FAM168A: variants seen among roughly 807,000 people sequenced by gnomAD.
FAM168A encodes protein FAM168A.
FAM168A carries 3 observed loss-of-function variants against 28.5 expected under a neutral mutation model. The observed-to-expected ratio is 0.11, with a 90% CI of 0.05 to 0.27. FAM168A has a LOEUF of 0.27. FAM168A is among the 10% of genes least tolerant of loss of function. FAM168A has a pLI of 1.00. For synonymous variants in FAM168A, 122 were observed against 124.2 expected, an observed-to-expected ratio of 0.98 and a Z score of 0.12; for missense variants, 222 against 311.5, an observed-to-expected ratio of 0.71 and a Z score of 2.16.
chr11:73,515,605 C>A (rs1006177355), intron 1 of FAM168A, among the ~76,000 whole-genome samples: 39 of 146,792 alleles, frequency 2.7e-4, no homozygotes, highest in African/African-American at 8.5e-4. Flanking sequence ...TTAACAACAA[C>A]AAAAAAATTT....
At chr11:73,473,882 C>T (rs1245848473) in intron 1 of FAM168A, among the ~76,000 whole-genome samples, 7 of 151,410 alleles carry the variant, frequency 4.6e-5, no homozygotes, top group South Asian at 2.1e-4. Context: ...GGCGCAATCT[C>T]GGCTCACTGC....
In FAM168A at chr11:73,548,779, T is replaced by C. The variant is rs1212569419; in HGVS notation, c.-19+49144A>G. Among the ~76,000 whole-genome samples, 6 of 152,224 alleles carry C rather than the reference T, an allele frequency of 3.9e-5. No homozygotes were observed. In the South Asian group the frequency reaches 1.2e-3, roughly 32 times the overall value. On this transcript the variant is annotated intron_variant, in intron 1 of 7. Coordinates refer to ENST00000356467, the MANE Select transcript of FAM168A (RefSeq NM_015159.3). ...CCTTAGCCTGCTGAGTAGCTGGGAC[T>C]ACAGGTGTGCGCCACCAAGGCCAGA...
intron 1 of FAM168A, among the ~76,000 whole-genome samples, chr11:73,568,361 T>C (rs1323640523): frequency 6.6e-6 from 1 of 152,224 alleles, no homozygotes; most frequent in Non-Finnish European, 1.5e-5. Context: ...GAATCAATTA[T>C]GACACTCTTA....
chr11:73,593,536 GA>G (rs1382643552), intron 1 of FAM168A, among the ~76,000 whole-genome samples: 2 of 152,092 alleles, frequency 1.3e-5, no homozygotes, highest in African/African-American at 4.8e-5. Flanking sequence ...GGCATTTAAA[GA>G]ACTGTTTAAA....
intron 3 of FAM168A, among the ~76,000 whole-genome samples, chr11:73,424,777 G>C (rs1468751709): frequency 6.6e-6 from 1 of 152,150 alleles, no homozygotes; most frequent in African/African-American, 2.4e-5. Flanking sequence ...GTTAGGTTGA[G>C]AGACGCCTTT....
chr11:73,484,548 C>CTATATATCTA (rs1555026158), intron 1 of FAM168A, among the ~76,000 whole-genome samples: 1 of 124,888 alleles, frequency 8.0e-6, no homozygotes, highest in Admixed American at 7.7e-5. Flanking sequence ...ATATATCTAT[C>CTATATATCTA]TATATCTATA....
chr11:73,581,755 A>G (rs919303345), intron 1 of FAM168A, among the ~76,000 whole-genome samples: 12 of 151,442 alleles, frequency 7.9e-5, no homozygotes, highest in African/African-American at 2.9e-4. Flanking sequence ...GTCTCCCTCT[A>G]TTGCCCAGGC....
At chr11:73,528,308 G>A (rs138736387) in intron 1 of FAM168A, among the ~76,000 whole-genome samples, 11 of 152,192 alleles carry the variant, frequency 7.2e-5, no homozygotes, top group East Asian at 3.9e-4. Context: ...AGATGTTTAC[G>A]GTTAAGGGAA....
chr11:73,571,360 C>CGAGTGCCTGCCGAG (rs1220548752), intron 1 of FAM168A, among the ~76,000 whole-genome samples: 1 of 151,544 alleles, frequency 6.6e-6, no homozygotes. Context: ...ATTCCCCTGC[C>CGAGTGCCTGCCGAG]TCAGCCTGCC....
In FAM168A at chr11:73,404,663, T is replaced by C. The variant is rs1866470989; in HGVS notation, c.*2100A>G. 6.6e-6 allele frequency: 1 copy of C among 152,204 alleles called. No homozygotes were observed. Among genetic ancestry groups the C allele is most frequent in the Non-Finnish European group, 1.5e-5 (1 of 68,040 alleles). The allele number at this position is 152,204 out of a possible 1,614,324, so 9.4% of individuals were successfully genotyped here. ...TTTTCTTACTGGTCCTAAAGTTCCTTGGAAGCCCAGGAAGGTGGGCCCCCA... is the reference window on the plus strand; with the variant it reads ...TTTTCTTACTGGTCCTAAAGTTCCTCGGAAGCCCAGGAAGGTGGGCCCCCA... On this transcript the variant is annotated 3_prime_UTR_variant, in exon 8 of 8. Coordinates refer to ENST00000356467, the MANE Select transcript of FAM168A (RefSeq NM_015159.3).
At chr11:73,411,652 CAG>C (rs981609469) in intron 4 of FAM168A, 116 bp from the exon 5 acceptor site, 6 of 1,114,942 alleles carry the variant, frequency 5.4e-6, no homozygotes, top group Non-Finnish European at 7.9e-6. Flanking sequence ...AGGCTGGAAA[CAG>C]AGATGAGAAC....
intron 1 of FAM168A, among the ~76,000 whole-genome samples, chr11:73,565,297 G>GT (rs1944008797): frequency 1.3e-5 from 2 of 152,094 alleles, no homozygotes; most frequent in Non-Finnish European, 2.9e-5. Context: ...CACTATATGC[G>GT]TAACGGCTGA....
At chr11:73,556,597 G>A (rs1373813634) in intron 1 of FAM168A, among the ~76,000 whole-genome samples, 2 of 151,838 alleles carry the variant, frequency 1.3e-5, no homozygotes, top group East Asian at 1.9e-4. Flanking sequence ...AGATCTGTAA[G>A]ATAAAGAGTT....
At chr11:73,499,456 G>A (rs1310191894) in intron 1 of FAM168A, among the ~76,000 whole-genome samples, 1 of 150,196 alleles carries the variant, frequency 6.7e-6, no homozygotes, top group Non-Finnish European at 1.5e-5. Flanking sequence ...AAAGACCAGA[G>A]TGCCTCTTCT....
At chr11:73,460,373 T>C (rs1319807639) in intron 2 of FAM168A, among the ~76,000 whole-genome samples, 1 of 152,140 alleles carries the variant, frequency 6.6e-6, no homozygotes, top group Non-Finnish European at 1.5e-5. Context: ...CTCATCTCCT[T>C]CCCTTTATTT....
At chr11:73,515,756 C>T (rs1943295611) in intron 1 of FAM168A, among the ~76,000 whole-genome samples, 1 of 152,154 alleles carries the variant, frequency 6.6e-6, no homozygotes, top group South Asian at 2.1e-4. Context: ...GGAAACACTT[C>T]TCACAGGACA....
intron 1 of FAM168A, among the ~76,000 whole-genome samples, chr11:73,584,934 C>G (rs927964893): frequency 1.3e-5 from 2 of 151,496 alleles, no homozygotes; most frequent in African/African-American, 4.9e-5. Flanking sequence ...GCCAACAGTT[C>G]AAGACCAGCC....
chr11:73,490,842 C>T (rs1868117857), intron 1 of FAM168A, among the ~76,000 whole-genome samples: 1 of 152,006 alleles, frequency 6.6e-6, no homozygotes, highest in Admixed American at 6.6e-5. Flanking sequence ...TATGTCTTCT[C>T]CCCCCTTCAC....
intron 1 of FAM168A, among the ~76,000 whole-genome samples, chr11:73,582,810 C>T (rs1330263603): frequency 2.0e-5 from 3 of 152,206 alleles, no homozygotes; most frequent in Non-Finnish European, 4.4e-5. Context: ...GATCTGCATT[C>T]ATTCCAAGTG....
Sources: allele counts gnomAD v4.1 joint callset (sites outside exome capture counted in the v4.1 genomes callset), GRCh38; gene constraint gnomAD v4.1.1; transcripts MANE v1.5; gene names NCBI Gene and HGNC (gene_info 2026-07-23, HGNC 2026-07-21).